RBFOX3: variants seen among roughly 807,000 people sequenced by gnomAD.
The protein encoded by RBFOX3 is RNA binding protein fox-1 homolog 3.
In RBFOX3, 17 loss-of-function variants were observed where a neutral mutation model predicts 48.7. That is an observed-to-expected ratio of 0.35 (90% CI 0.24 to 0.52). The LOEUF is 0.52. Ranked by LOEUF, RBFOX3 falls within the 20% of genes least tolerant of loss-of-function variation. The pLI, the probability that RBFOX3 is intolerant of heterozygous loss-of-function variation, is 0.94. For missense variants in RBFOX3, 382 were observed against 497.5 expected (o/e 0.77, Z 2.21); for synonymous variants, 212 against 209.5 (o/e 1.01, Z -0.10).
chr17:79,122,146 CACAA>C (rs1202994159), intron 4 of RBFOX3, among the ~76,000 whole-genome samples: 1 of 152,188 alleles, frequency 6.6e-6, no homozygotes, highest in Non-Finnish European at 1.5e-5. Context: ...TAGCAAACCC[CACAA>C]ACAGTCCAGT....
intron 3 of RBFOX3, among the ~76,000 whole-genome samples, chr17:79,284,974 T>A (rs2071522233): frequency 6.6e-6 from 1 of 152,192 alleles, no homozygotes; most frequent in Non-Finnish European, 1.5e-5. Context: ...GACCTCGCTT[T>A]GTAAATGGTC....
intron 2 of RBFOX3, among the ~76,000 whole-genome samples, chr17:79,393,849 T>A (rs1050121547): frequency 6.8e-6 from 1 of 147,048 alleles, no homozygotes; most frequent in African/African-American, 2.6e-5. Context: ...ATCACACACA[T>A]CATCTGAGCC....
rs982832255 is a variant in RBFOX3, at chr17:79,304,356, G to A, written c.-74+3368C>T. On this transcript the variant is annotated intron_variant, in intron 3 of 14. Coordinates refer to ENST00000693108, the MANE Select transcript of RBFOX3 (RefSeq NM_001350451.2). ...TATATATGTATATATATACACACACGTAAATATATAGGTATATATGTACAT... is the reference window on the plus strand; with the variant it reads ...TATATATGTATATATATACACACACATAAATATATAGGTATATATGTACAT... Among the ~76,000 whole-genome samples, 12 of 150,446 alleles carry A rather than the reference G, an allele frequency of 8.0e-5. 1 individual carries two copies. The highest frequency in any genetic ancestry group is 3.9e-4 in the East Asian group (2 of 5,160).
chr17:79,166,073 C>A (rs1440483213), intron 4 of RBFOX3, among the ~76,000 whole-genome samples: 1 of 152,200 alleles, frequency 6.6e-6, no homozygotes, highest in Non-Finnish European at 1.5e-5. Flanking sequence ...CTGTACCCGG[C>A]GTGCGGCAGA....
intron 2 of RBFOX3, among the ~76,000 whole-genome samples, chr17:79,366,259 C>T (rs569482784): frequency 2.0e-5 from 3 of 152,238 alleles, no homozygotes; most frequent in African/African-American, 4.8e-5. Context: ...TCAGGCATCT[C>T]GGGCACCATC....
intron 1 of RBFOX3, among the ~76,000 whole-genome samples, chr17:79,579,733 G>C (rs907421273): frequency 2.7e-5 from 4 of 148,342 alleles, no homozygotes; most frequent in African/African-American, 1.0e-4. Context: ...CACTGGCGCC[G>C]TGGTGGGGAG....
rs567338465 is a variant in RBFOX3 at position 79,230,599 on chromosome 17, G to A, written c.-34+5167C>T. Among the ~76,000 whole-genome samples the A allele has an allele frequency of 9.4e-4, 143 of 152,304 alleles. No homozygotes were observed. In the Middle Eastern group the frequency reaches 0.01, roughly 11 times the overall value. ...AATCAAAATGTTCCTGAGAAGAAAC[G>A]CTGTGAAGCAGTCTTGCTAAGCCTT... On this transcript the variant is annotated intron_variant, in intron 4 of 14. Transcript: ENST00000693108.
At chr17:79,397,307 C>A (rs188344034) in intron 2 of RBFOX3, among the ~76,000 whole-genome samples, 1 of 151,962 alleles carries the variant, frequency 6.6e-6, no homozygotes, top group South Asian at 2.1e-4. Flanking sequence ...ATGGTGAAAC[C>A]CTGTCTCTCC....
chr17:79,356,365 TTTTTTTTTTTTTTTTTTTTTTG>T (rs2085054543), intron 2 of RBFOX3, among the ~76,000 whole-genome samples: 1 of 108,256 alleles, frequency 9.2e-6, no homozygotes, highest in African/African-American at 3.7e-5. Flanking sequence ...TTTTTTTTTT[TTTTTTTTTTTTTTTTTTTTTTG>T]AGGAGGAGTC....
chr17:79,385,966 C>G (rs937140861), intron 2 of RBFOX3, among the ~76,000 whole-genome samples: 7 of 111,070 alleles, frequency 6.3e-5, no homozygotes, highest in Admixed American at 9.4e-5. Flanking sequence ...ACCTCCCACA[C>G]CAGATGGGGG....
intron 4 of RBFOX3, among the ~76,000 whole-genome samples, chr17:79,169,426 C>A (rs2048687610): frequency 6.6e-6 from 1 of 152,136 alleles, no homozygotes; most frequent in African/African-American, 2.4e-5. Flanking sequence ...GCAGGACAGG[C>A]CCTCAAACTG....
At position 79,229,230 on chromosome 17, in the gene RBFOX3, CAAAAAAAAAAAAAAAA is replaced by C. The variant is rs59934894; in HGVS notation, c.-34+6520_-34+6535del. 3.9e-4 allele frequency among the ~76,000 whole-genome samples: 13 copies of C among 33,742 alleles called. No individual in the cohort carries two copies. The East Asian group carries it at 0.01, about 26-fold the overall frequency. The allele number at this position is 33,742 out of a possible 152,430, so 22.1% of individuals were successfully genotyped here. On this transcript the variant is annotated intron_variant, in intron 4 of 14. Transcript: ENST00000693108. ...GGTGACAGTGTGAATGAGACTCTGT[CAAAAAAAAAAAAAAAA>C]AAAAAAAAAAAAAAAAAAAAAGGGA...
intron 1 of RBFOX3, among the ~76,000 whole-genome samples, chr17:79,584,442 C>T (rs933627772): frequency 6.6e-6 from 1 of 152,192 alleles, no homozygotes; most frequent in African/African-American, 2.4e-5. Flanking sequence ...TTTGCTCATG[C>T]ATGTTTATAG....
rs560949870 is a variant in RBFOX3 at position 79,289,033 on chromosome 17, A to G, written c.-74+18691T>C. ...TGCATCCATGGGGACAGCTGGGGGG[A>G]GTCACTCACAGCTGTCCTCCTGTCA... On this transcript the variant is annotated intron_variant, in intron 3 of 14. Transcript: ENST00000693108. Among the ~76,000 whole-genome samples, 7 of 151,956 alleles carry G rather than the reference A, an allele frequency of 4.6e-5. No individual in the cohort carries two copies. In the South Asian group the frequency reaches 1.2e-3, roughly 27 times the overall value.
intron 3 of RBFOX3, among the ~76,000 whole-genome samples, chr17:79,236,154 C>T (rs561411103): frequency 4.6e-5 from 7 of 152,360 alleles, no homozygotes; most frequent in African/African-American, 1.7e-4. Context: ...AGGTTGTCCA[C>T]AAACGCAGGC....
chr17:79,283,127 G>C (rs2070980652), intron 3 of RBFOX3, among the ~76,000 whole-genome samples: 9 of 152,162 alleles, frequency 5.9e-5, no homozygotes, highest in Admixed American at 5.9e-4. Flanking sequence ...TAAAGCCATC[G>C]ATATTTTGTC....
At chr17:79,617,056 T>G in the RBFOX3 span, among the ~76,000 whole-genome samples, 1 of 152,112 alleles carries the variant, frequency 6.6e-6, no homozygotes, top group Non-Finnish European at 1.5e-5. Flanking sequence ...AGTCCCAAGG[T>G]TTATCATCCC....
chr17:79,520,947 TCAC>T (rs1599030629), intron 1 of RBFOX3, among the ~76,000 whole-genome samples: 2 of 152,262 alleles, frequency 1.3e-5, no homozygotes, highest in Admixed American at 6.5e-5. Context: ...TGTTTGAATC[TCAC>T]AATGGTGACG....
Position 79,584,550 on chromosome 17 carries a change from ATGTGTGTG to A in RBFOX3, c.-320+26268_-320+26275del, listed in dbSNP as rs1183852264. 1.4e-4 allele frequency among the ~76,000 whole-genome samples: 21 copies of A among 150,164 alleles called. No individual in the cohort carries two copies. The East Asian group carries it at 4.1e-3, about 29-fold the overall frequency. Reference sequence around the variant, plus strand: ...ATGTTATATATACATATGTGTGTGTATGTGTGTGTGTGTGTGTGTGTATGAATACTACT... The same window carrying A: ...ATGTTATATATACATATGTGTGTGTATGTGTGTGTGTGTATGAATACTACT... On this transcript the variant is annotated intron_variant, in intron 1 of 14. Coordinates refer to ENST00000693108, the MANE Select transcript of RBFOX3 (RefSeq NM_001350451.2).
Sources: gnomAD v4.1 joint callset for allele counts (sites outside exome capture counted in the v4.1 genomes callset) on GRCh38, gnomAD v4.1.1 for gene constraint, MANE v1.5 for transcripts, NCBI Gene and HGNC (gene_info 2026-07-23, HGNC 2026-07-21) for gene names.